Variants in MAML2 observed in about 807,000 individuals in gnomAD.
MAML2 encodes mastermind-like protein 2.
In MAML2, 22 loss-of-function variants were observed where a neutral mutation model predicts 96.1. The observed-to-expected ratio is 0.23, with a 90% CI of 0.16 to 0.33. The LOEUF is 0.33. Ranked by LOEUF, MAML2 falls within the 10% of genes least tolerant of loss-of-function variation. The probability of loss-of-function intolerance (pLI) is 1.00; values close to 1 mark genes in which losing one functional copy is unlikely to be tolerated. For synonymous variants in MAML2, 561 were observed against 521.3 expected, an observed-to-expected ratio of 1.08 and a Z score of -1.04; for missense variants, 1,367 against 1,392.4, an observed-to-expected ratio of 0.98 and a Z score of 0.29.
At chr11:96,159,666 C>T (rs1861073850) in intron 1 of MAML2, among the ~76,000 whole-genome samples, 2 of 152,052 alleles carry the variant, frequency 1.3e-5, no homozygotes, top group African/African-American at 4.8e-5. Flanking sequence ...CCTCGTGATC[C>T]GCCCACCTCG....
At chr11:96,016,999 G>A (rs893889931) in intron 2 of MAML2, among the ~76,000 whole-genome samples, 1 of 152,122 alleles carries the variant, frequency 6.6e-6, no homozygotes, top group Non-Finnish European at 1.5e-5. Context: ...CTGAAGTGTA[G>A]TAATTTTAAA....
At chr11:96,307,324 A>AT (rs1324024644) in intron 1 of MAML2, among the ~76,000 whole-genome samples, 1 of 152,246 alleles carries the variant, frequency 6.6e-6, no homozygotes, top group Non-Finnish European at 1.5e-5. Flanking sequence ...CAAAAGCAGG[A>AT]TAAGTACAGG....
At chr11:96,111,609 T>G (rs910446591) in intron 1 of MAML2, among the ~76,000 whole-genome samples, 3 of 152,212 alleles carry the variant, frequency 2.0e-5, no homozygotes, top group Admixed American at 2.0e-4. Context: ...TGGAACACAT[T>G]AAAAGATGTG....
intron 1 of MAML2, among the ~76,000 whole-genome samples, chr11:96,116,886 A>T (rs1018711748): frequency 6.6e-6 from 1 of 152,266 alleles, no homozygotes; most frequent in Non-Finnish European, 1.5e-5. Flanking sequence ...TACGTAGCAC[A>T]TGAGGAGGAC....
At chr11:96,234,352 A>G (rs1256606306) in intron 1 of MAML2, among the ~76,000 whole-genome samples, 1 of 152,198 alleles carries the variant, frequency 6.6e-6, no homozygotes, top group Non-Finnish European at 1.5e-5. Flanking sequence ...GTGGTGGCAC[A>G]TGCCTGTAAT....
At chr11:96,061,580 C>G (rs1043397653) in intron 2 of MAML2, among the ~76,000 whole-genome samples, 2 of 152,282 alleles carry the variant, frequency 1.3e-5, no homozygotes, top group South Asian at 4.1e-4. Flanking sequence ...GTGCCTACTA[C>G]CAGCCCATTT....
At position 96,023,528 on chromosome 11, in the gene MAML2, C is replaced by T. The variant is rs184925187; in HGVS notation, c.2140-31805G>A. Among the ~76,000 whole-genome samples the T allele has an allele frequency of 1.8e-3, 268 of 152,218 alleles. 3 individuals carry two copies. Among genetic ancestry groups the T allele is most frequent in the African/African-American group, 5.9e-3 (245 of 41,550 alleles). On this transcript the variant is annotated intron_variant, in intron 2 of 4. Coordinates refer to ENST00000524717, the MANE Select transcript of MAML2 (RefSeq NM_032427.4). ...AGCCTGGACCACCCAGCTAGTGAGA[C>T]GACTGATGTGGAATGTGGGTTCATG...
intron 1 of MAML2, among the ~76,000 whole-genome samples, chr11:96,282,912 C>T (rs1863092106): frequency 6.6e-6 from 1 of 152,162 alleles, no homozygotes; most frequent in South Asian, 2.1e-4. Context: ...TTTTCTTCCA[C>T]TTATATTTTC....
At chr11:96,213,696 A>G (rs1862005430) in intron 1 of MAML2, among the ~76,000 whole-genome samples, 1 of 152,190 alleles carries the variant, frequency 6.6e-6, no homozygotes, top group South Asian at 2.1e-4. Flanking sequence ...CTGGACTCCA[A>G]AAGATACCAA....
chr11:95,979,394 A>G lies in MAML2; in HGVS notation c.3025T>C (p.Phe1009Leu). The G allele has an allele frequency of 6.2e-7, 1 of 1,613,562 alleles. No individual in the cohort carries two copies. Among genetic ancestry groups the G allele is most frequent in the Non-Finnish European group, 8.5e-7 (1 of 1,179,756 alleles). ...SLQQAVGSQQFSQRAVAPPNQ... is the reference protein window; with the variant it reads ...SLQQAVGSQQLSQRAVAPPNQ... ...GGAGGAGCCACTGCCCTCTGGGAAAATTGCTGGCTACCTACTGCCTGTTGC... is the reference window on the plus strand; with the variant it reads ...GGAGGAGCCACTGCCCTCTGGGAAAGTTGCTGGCTACCTACTGCCTGTTGC... Residue 1009 changes from phenylalanine (F) to leucine (L), a missense_variant, in exon 5 of 5, where the codon TTT becomes CTT. Coordinates refer to ENST00000524717, the MANE Select transcript of MAML2 (RefSeq NM_032427.4).
intron 1 of MAML2, among the ~76,000 whole-genome samples, chr11:96,282,829 G>T (rs894458184): frequency 3.3e-5 from 5 of 152,110 alleles, no homozygotes; most frequent in Non-Finnish European, 2.9e-5. Context: ...TCAAAAATTG[G>T]AATGTGACCT....
intron 1 of MAML2, among the ~76,000 whole-genome samples, chr11:96,324,056 A>G (rs1450526587): frequency 6.6e-6 from 1 of 152,214 alleles, no homozygotes; most frequent in African/African-American, 2.4e-5. Flanking sequence ...TTGGCTTTCA[A>G]ATGTCTTGTT....
chr11:96,140,165 G>A (rs936228747), intron 1 of MAML2, among the ~76,000 whole-genome samples: 1 of 152,202 alleles, frequency 6.6e-6, no homozygotes, highest in African/African-American at 2.4e-5. Flanking sequence ...CATTGGCATG[G>A]TTCATCTGGT....
chr11:96,158,189 T>C (rs1203405433), intron 1 of MAML2, among the ~76,000 whole-genome samples: 1 of 152,234 alleles, frequency 6.6e-6, no homozygotes, highest in Non-Finnish European at 1.5e-5. Context: ...AAGAGTCCTA[T>C]ACACTCCAAG....
chr11:96,011,929 AT>A (rs1565189154), intron 2 of MAML2, among the ~76,000 whole-genome samples: 2 of 152,054 alleles, frequency 1.3e-5, no homozygotes, highest in Non-Finnish European at 1.5e-5. Flanking sequence ...TAAAATTTTG[AT>A]TCTTGAATAT....
chr11:96,280,264 C>T (rs977410746), intron 1 of MAML2, among the ~76,000 whole-genome samples: 1 of 152,112 alleles, frequency 6.6e-6, no homozygotes, highest in Non-Finnish European at 1.5e-5. Flanking sequence ...CTGTGTATCT[C>T]TCATGGAAAG....
chr11:96,044,271 T>C (rs562201609), intron 2 of MAML2, among the ~76,000 whole-genome samples: 27 of 152,332 alleles, frequency 1.8e-4, no homozygotes, highest in Admixed American at 1.4e-3. Flanking sequence ...CAGCAGTTTT[T>C]CACATGGTTG....
chr11:96,065,930 G>A (rs372579209), intron 2 of MAML2, among the ~76,000 whole-genome samples: 107 of 152,284 alleles, frequency 7.0e-4, no homozygotes, highest in African/African-American at 2.4e-3. Flanking sequence ...GGGCCCAGGC[G>A]CAATAGGAAA....
chr11:96,149,432 A>AAAAAAAAAAAAAAAT lies in MAML2; in HGVS notation c.514-55916_514-55915insATTTTTTTTTTTTTT, dbSNP rs59453325. On this transcript the variant is annotated intron_variant, in intron 1 of 4. Transcript: ENST00000524717. ...ACTCCGTCACAAAAAAAAAAAAAAA[A>AAAAAAAAAAAAAAAT]TGAGAAGTTAAGTTTTCAGCCAGGC... 1.8e-5 allele frequency among the ~76,000 whole-genome samples: 2 copies of AAAAAAAAAAAAAAAT among 112,608 alleles called. 1 individual carries two copies. 73.9% of individuals were successfully genotyped at this position (112,608 alleles called of 152,430 possible).
Sources: gnomAD v4.1 joint callset for allele counts (sites outside exome capture counted in the v4.1 genomes callset) on GRCh38, gnomAD v4.1.1 for gene constraint, MANE v1.5 for transcripts, NCBI Gene and HGNC (gene_info 2026-07-23, HGNC 2026-07-21) for gene names.